The following TTC28 variants were observed in gnomAD, a reference collection of about 807,000 sequenced individuals.
TTC28 encodes tetratricopeptide repeat protein 28.
Under a neutral mutation model 198.0 loss-of-function variants are expected in TTC28, and 61 were observed. The ratio of observed to expected loss-of-function variants is 0.31; its 90% confidence interval spans 0.25 to 0.38. The LOEUF is 0.38. TTC28 is among the 10% of genes least tolerant of loss of function. The pLI is 1.00. For synonymous variants in TTC28, 1,171 were observed against 1,297.8 expected, an observed-to-expected ratio of 0.90 and a Z score of 2.10; for missense variants, 2,678 against 3,164.0, an observed-to-expected ratio of 0.85 and a Z score of 3.69.
At chr22:28,086,785 G>C (rs13054013) in intron 12 of TTC28, among the ~76,000 whole-genome samples, 1 of 151,924 alleles carries the variant, frequency 6.6e-6, no homozygotes, top group African/African-American at 2.4e-5. Flanking sequence ...ATAAAGAAAA[G>C]AGAGAAGAAT....
intron 5 of TTC28, among the ~76,000 whole-genome samples, chr22:28,219,226 C>T (rs1194691524): frequency 4.6e-5 from 7 of 152,046 alleles, no homozygotes; most frequent in Non-Finnish European, 1.0e-4. Flanking sequence ...ATACCCACTT[C>T]GTCTGGGCGT....
At chr22:28,446,776 A>G (rs2047709429) in intron 2 of TTC28, among the ~76,000 whole-genome samples, 1 of 152,216 alleles carries the variant, frequency 6.6e-6, no homozygotes, top group Admixed American at 6.5e-5. Flanking sequence ...ACAGTCCTGT[A>G]TAGCAATACA....
intron 3 of TTC28, 61 bp from the exon 4 acceptor site, chr22:28,297,913 T>C: frequency 2.0e-6 from 3 of 1,489,250 alleles, no homozygotes; most frequent in Non-Finnish European, 2.7e-6. Flanking sequence ...ACAAAAACAA[T>C]CTTTTCTAAT....
At chr22:28,577,548 A>G (rs1370556899) in intron 2 of TTC28, among the ~76,000 whole-genome samples, 13 of 152,108 alleles carry the variant, frequency 8.5e-5, no homozygotes. Context: ...TGATCTGTCC[A>G]ATGCTGAAAG....
chr22:28,201,406 C>A (rs1026869218), intron 5 of TTC28, among the ~76,000 whole-genome samples: 1 of 151,976 alleles, frequency 6.6e-6, no homozygotes, highest in South Asian at 2.1e-4. Context: ...GAAGACTTAA[C>A]CTTCTTAGGG....
At chr22:28,530,600 G>A (rs1025037566) in intron 2 of TTC28, among the ~76,000 whole-genome samples, 16 of 152,062 alleles carry the variant, frequency 1.1e-4, no homozygotes, top group Non-Finnish European at 2.1e-4. Context: ...TCTAAGACAC[G>A]TAATTGTCAG....
intron 10 of TTC28, 49 bp downstream of exon 10, chr22:28,098,866 G>C: frequency 6.5e-7 from 1 of 1,541,148 alleles, no homozygotes; most frequent in South Asian, 1.2e-5. Flanking sequence ...ACGCGCACCC[G>C]TGCGCACTAG....
At chr22:28,574,606 T>C (rs938450441) in intron 2 of TTC28, among the ~76,000 whole-genome samples, 1 of 152,232 alleles carries the variant, frequency 6.6e-6, no homozygotes, top group African/African-American at 2.4e-5. Context: ...TCCAAACTGT[T>C]GTCCAAAGCA....
At chr22:28,501,160 T>A (rs2048532985) in intron 2 of TTC28, among the ~76,000 whole-genome samples, 1 of 152,178 alleles carries the variant, frequency 6.6e-6, no homozygotes, top group African/African-American at 2.4e-5. Flanking sequence ...GAGCAAAATG[T>A]AACTGTTCTC....
rs561582443 is a variant in TTC28 at position 28,271,516 on chromosome 22, T to C, written c.933+24682A>G. 2.6e-4 allele frequency among the ~76,000 whole-genome samples: 39 copies of C among 152,256 alleles called. 1 individual carries two copies. In the South Asian group the frequency reaches 3.3e-3, roughly 13 times the overall value. Reference sequence around the variant, plus strand: ...TGAATTGTAGTTCCCGTAATTCCCATGTGTTGTGGGAGGGACCCAGTGGGA... The same window carrying C: ...TGAATTGTAGTTCCCGTAATTCCCACGTGTTGTGGGAGGGACCCAGTGGGA... On this transcript the variant is annotated intron_variant, in intron 5 of 22. Coordinates refer to ENST00000397906, the MANE Select transcript of TTC28 (RefSeq NM_001145418.2).
chr22:28,492,512 A>C (rs1054612944), intron 2 of TTC28, among the ~76,000 whole-genome samples: 1 of 152,184 alleles, frequency 6.6e-6, no homozygotes, highest in African/African-American at 2.4e-5. Flanking sequence ...CAAGGACCAA[A>C]AAACAAACAA....
At chr22:28,578,745 G>C (rs1463118148) in intron 2 of TTC28, among the ~76,000 whole-genome samples, 1 of 152,146 alleles carries the variant, frequency 6.6e-6, no homozygotes. Context: ...TTTGGGGGAA[G>C]GGAGAGTGCA....
chr22:28,612,557 T>C (rs2050836594), intron 2 of TTC28, among the ~76,000 whole-genome samples: 1 of 152,130 alleles, frequency 6.6e-6, no homozygotes, highest in South Asian at 2.1e-4. Context: ...ATCACACTTA[T>C]TCCAAAATTG....
intron 2 of TTC28, among the ~76,000 whole-genome samples, chr22:28,564,994 G>A (rs990601445): frequency 1.3e-5 from 2 of 151,366 alleles, no homozygotes; most frequent in Admixed American, 6.6e-5. Flanking sequence ...GGAGGAGGGA[G>A]GCACAGGAAG....
chr22:28,296,991 C>T (rs2044910032), intron 4 of TTC28, among the ~76,000 whole-genome samples: 1 of 152,044 alleles, frequency 6.6e-6, no homozygotes, highest in Admixed American at 6.6e-5. Flanking sequence ...ATAACGCATC[C>T]TAATGAAGGA....
intron 2 of TTC28, among the ~76,000 whole-genome samples, chr22:28,406,184 AC>A (rs893513678): frequency 1.3e-5 from 2 of 152,256 alleles, no homozygotes; most frequent in African/African-American, 4.8e-5. Flanking sequence ...AGGAAAAAAC[AC>A]AAAGATTTAA....
At chr22:28,507,506 C>A (rs188144030) in intron 2 of TTC28, among the ~76,000 whole-genome samples, 22 of 152,250 alleles carry the variant, frequency 1.4e-4, no homozygotes, top group Non-Finnish European at 1.9e-4. Flanking sequence ...TCCAGGAGAA[C>A]TTCCCCAACC....
At chr22:28,648,124 T>TGAGGCAGGAGAATGTCGTG (rs1308439481) in intron 1 of TTC28, among the ~76,000 whole-genome samples, 2 of 147,572 alleles carry the variant, frequency 1.4e-5, no homozygotes, top group Non-Finnish European at 3.0e-5. Context: ...CTTGGGAGGC[T>TGAGGCAGGAGAATGTCGTG]GAGGCAGGAG....
At chr22:28,297,942 T>G (rs2044933498) in intron 3 of TTC28, 90 bp from the exon 4 acceptor site, 2 of 1,369,622 alleles carry the variant, frequency 1.5e-6, no homozygotes, top group South Asian at 1.4e-5. Context: ...GAAATAAATG[T>G]TTATCATATC....
Sources: gnomAD v4.1 joint callset for allele counts (sites outside exome capture counted in the v4.1 genomes callset) on GRCh38, gnomAD v4.1.1 for gene constraint, MANE v1.5 for transcripts, NCBI Gene and HGNC (gene_info 2026-07-23, HGNC 2026-07-21) for gene names.